COL16A1: variants seen among roughly 807,000 people sequenced by gnomAD.
COL16A1 encodes the protein collagen type XVI alpha 1 chain, also known as collagen alpha-1(XVI) chain.
Under a neutral mutation model 266.3 loss-of-function variants are expected in COL16A1, and 189 were observed. That is an observed-to-expected ratio of 0.71 (90% CI 0.63 to 0.80). COL16A1 has a LOEUF of 0.80. Ranked by LOEUF, COL16A1 falls within the 30% of genes least tolerant of loss-of-function variation. The probability of loss-of-function intolerance (pLI) is 0.00; values close to 1 mark genes in which losing one functional copy is unlikely to be tolerated. For missense variants in COL16A1, 1,928 were observed against 2,122.4 expected (o/e 0.91, Z 1.80); for synonymous variants, 740 against 782.3 (o/e 0.95, Z 0.90).
rs1570598520 is a variant in COL16A1 at position 31,698,384 on chromosome 1, A to G, written c.390+99T>C. ...AGGCTTGAGGGTAGGCACAGGATGG[A>G]GCAGGGAGACCCCAGAAGTCACAAG... is the stretch of plus-strand genomic sequence containing the variant. On this transcript the variant is annotated intron_variant, in intron 5 of 70. Coordinates refer to ENST00000373672, the MANE Select transcript of COL16A1 (RefSeq NM_001856.4). The surrounding 1 kb of genome is among the most constrained non-coding windows in gnomAD (Gnocchi z 4.1). 6.4e-7 allele frequency: 1 copy of G among 1,571,678 alleles called. No homozygotes were observed. The highest frequency in any genetic ancestry group is 1.7e-5 in the Admixed American group (1 of 58,308).
chr1:31,661,334 G>C, intron 60 of COL16A1, 80 bp downstream of exon 60: 1 of 1,607,890 alleles, frequency 6.2e-7, no homozygotes, highest in Non-Finnish European at 8.5e-7. Context: ...CTCTGCCCAG[G>C]ATAGGCTGCC....
intron 49 of COL16A1, chr1:31,669,708 G>A (rs1304570169): frequency 6.6e-6 from 1 of 152,224 alleles, no homozygotes; most frequent in Non-Finnish European, 1.5e-5. Flanking sequence ...AGGCCTGGGA[G>A]GAGAGGAGCC....
chr1:31,683,490 C>T (rs1643794963), intron 34 of COL16A1, 121 bp from the exon 35 acceptor site: 18 of 1,591,262 alleles, frequency 1.1e-5, no homozygotes, highest in Admixed American at 1.7e-5. Context: ...CAGAAGAGCT[C>T]CCCAAGGAGA....
Position 31,653,687 on chromosome 1 carries a change from AGAAAT to A in COL16A1, c.4535-16_4535-12del. 6.2e-7 allele frequency: 1 copy of A among 1,611,616 alleles called. No individual in the cohort carries two copies. The highest frequency in any genetic ancestry group is 8.5e-7 in the Non-Finnish European group (1 of 1,178,746). On this transcript the variant is annotated splice_polypyrimidine_tract_variant and intron_variant, in intron 69 of 70. Coordinates refer to ENST00000373672, the MANE Select transcript of COL16A1 (RefSeq NM_001856.4). ...TGGTACCAGGCAATCCTGGAACAAA[AGAAAT>A]AAATAAGTCCTATCCCTGAGCAGAA...
rs76837091 is a variant in COL16A1 at position 31,666,903 on chromosome 1, C to T, written c.3357+672G>A. Among the ~76,000 whole-genome samples the T allele has an allele frequency of 7.2e-5, 11 of 152,186 alleles. 1 individual carries two copies. The highest frequency in any genetic ancestry group is 2.2e-4 in the African/African-American group (9 of 41,424). ...TTATTCATCTGGCAGCTCCCTCCCC[C>T]ACGGCAGGGCAAGAGGGCAACTGCG... On this transcript the variant is annotated intron_variant, in intron 52 of 70. Coordinates refer to ENST00000373672, the MANE Select transcript of COL16A1 (RefSeq NM_001856.4).
chr1:31,667,757 G>T, intron 51 of COL16A1, 129 bp from the exon 52 acceptor site: 1 of 931,366 alleles, frequency 1.1e-6, no homozygotes, highest in Non-Finnish European at 1.7e-6. Context: ...GAGGACCGCT[G>T]GGTGCTCCAA....
At position 31,698,229 on chromosome 1, in the gene COL16A1, T is replaced by C. The variant is rs1016480808; in HGVS notation, c.391-57A>G. 19 of 1,600,418 alleles carry C rather than the reference T, an allele frequency of 1.2e-5. No individual in the cohort carries two copies. The highest frequency in any genetic ancestry group is 2.2e-5 in the East Asian group (1 of 44,770). On this transcript the variant is annotated intron_variant, in intron 5 of 70. Transcript: ENST00000373672. The surrounding 1 kb of genome is among the most constrained non-coding windows in gnomAD (Gnocchi z 4.1). ...GATTCAGAGCTCCAGAGTCACACCA[T>C]GGGCACGTTCAGGGACCTTGAACTC...
chr1:31,686,225 C>T lies in COL16A1; in HGVS notation c.1839+19G>A, dbSNP rs1479933659. The T allele has an allele frequency of 1.2e-5, 20 of 1,614,066 alleles. No individual in the cohort carries two copies. The highest frequency in any genetic ancestry group is 1.7e-5 in the Non-Finnish European group (20 of 1,180,044). On this transcript the variant is annotated intron_variant, in intron 27 of 70. Coordinates refer to ENST00000373672, the MANE Select transcript of COL16A1 (RefSeq NM_001856.4). ...CACCTTGTCCTCTCCCAAGCTGTTG[C>T]CATCCAAAACATACTTACTGGACTG...
Position 31,695,866 on chromosome 1 carries a change from AAC to A in COL16A1, c.919-81_919-80del. 1.5e-5 allele frequency: 20 copies of A among 1,346,988 alleles called. No individual in the cohort carries two copies. In the South Asian group the frequency reaches 1.8e-4, roughly 12 times the overall value. 83.4% of individuals were successfully genotyped at this position (1,346,988 alleles called of 1,614,324 possible). ...ACTGTTTCCAACACCCCTACCCCCA[AAC>A]CAACAGGAGTGGGCACTCTAGAGAG... is the stretch of plus-strand genomic sequence containing the variant. On this transcript the variant is annotated intron_variant, in intron 9 of 70. Transcript: ENST00000373672.
At chr1:31,677,189 G>A (rs1034729614) in intron 42 of COL16A1, among the ~76,000 whole-genome samples, 2 of 152,216 alleles carry the variant, frequency 1.3e-5, no homozygotes, top group Non-Finnish European at 2.9e-5. Flanking sequence ...GGGTTCAAGC[G>A]ATTCTCCTGC....
chr1:31,672,423 C>T lies in COL16A1; in HGVS notation c.3098G>A (p.Gly1033Glu). Reference sequence around the variant, plus strand: ...CCCCATCCCTGGTCTTACCTCTTCTCCTCTCTGGCCTGGCAATCCCGGAGG... The same window carrying T: ...CCCCATCCCTGGTCTTACCTCTTCTTCTCTCTGGCCTGGCAATCCCGGAGG... Reference protein sequence around the residue: ...PGPPGLPGQRGEEGPPGMRGS... With the variant: ...PGPPGLPGQREEEGPPGMRGS... Residue 1033 changes from glycine (G) to glutamate (E), a missense_variant, in exon 47 of 71, where the codon GGA becomes GAA. Around this residue, in one of 2 missense-constraint regions of COL16A1, gnomAD observed 1,552 missense variants for 1,637.2 expected, o/e 0.95. Transcript: ENST00000373672. 1 of 1,614,154 alleles carries T rather than the reference C, an allele frequency of 6.2e-7. No homozygotes were observed. Among genetic ancestry groups the T allele is most frequent in the Non-Finnish European group, 8.5e-7 (1 of 1,180,018 alleles).
At chr1:31,684,330 CCCA>C in intron 31 of COL16A1, 99 bp from the exon 32 acceptor site, 1 of 1,445,360 alleles carries the variant, frequency 6.9e-7, no homozygotes, top group Admixed American at 2.8e-5. Flanking sequence ...CTTGAATGCT[CCCA>C]CGTCAGCCTG....
At chr1:31,678,729 A>G (rs970051306) in intron 42 of COL16A1, among the ~76,000 whole-genome samples, 1 of 152,226 alleles carries the variant, frequency 6.6e-6, no homozygotes, top group African/African-American at 2.4e-5. Flanking sequence ...CTTGTTTAAT[A>G]CTCACAAAAG....
chr1:31,668,080 G>A lies in COL16A1; in HGVS notation c.3303+85C>T, dbSNP rs533602386. On this transcript the variant is annotated intron_variant, in intron 51 of 70. Transcript: ENST00000373672. This position sits in a 1 kb window ranked among gnomAD's most constrained non-coding sequence, Gnocchi z 5.8. ...CCCGGTAATGGGGAGCCCGCCGAGG[G>A]TTGCCCAGCCTGGCTGTGTCCTGAC... 14 of 1,260,766 alleles carry A rather than the reference G, an allele frequency of 1.1e-5. No homozygotes were observed. The highest frequency in any genetic ancestry group is 1.5e-5 in the Non-Finnish European group (13 of 888,192). 78.1% of individuals were successfully genotyped at this position (1,260,766 alleles called of 1,614,324 possible). A position where few individuals can be genotyped will look rare whatever the true frequency, so the allele number is the denominator to read the frequency against.
intron 2 of COL16A1, 35 bp from the exon 3 acceptor site, chr1:31,700,150 C>T: frequency 6.2e-7 from 1 of 1,608,768 alleles, no homozygotes; most frequent in South Asian, 1.1e-5. Flanking sequence ...ATTAGGTGCG[C>T]TCAGGCCAAG....
At chr1:31,679,977 C>T (rs1447628090) in intron 40 of COL16A1, 65 bp downstream of exon 40, 18 of 1,598,446 alleles carry the variant, frequency 1.1e-5, no homozygotes, top group Admixed American at 3.4e-5. Context: ...GCACACTGGG[C>T]ACCAGACGAG....
At chr1:31,680,785 C>G in intron 39 of COL16A1, 120 bp downstream of exon 39, 2 of 1,578,594 alleles carry the variant, frequency 1.3e-6, no homozygotes, top group African/African-American at 1.3e-5. Flanking sequence ...CACAGGCTCC[C>G]CTGGTTCATG....
chr1:31,689,178 G>A (rs898823838), intron 23 of COL16A1, 93 bp from the exon 24 acceptor site: 14 of 1,590,590 alleles, frequency 8.8e-6, no homozygotes, highest in East Asian at 4.5e-5. Context: ...TGTCACACAC[G>A]CAAACCGTCC....
At chr1:31,684,789 G>A in intron 30 of COL16A1, 32 bp downstream of exon 30, 3 of 1,614,032 alleles carry the variant, frequency 1.9e-6, no homozygotes, top group Non-Finnish European at 2.5e-6. Flanking sequence ...ATGATGCCAT[G>A]CCCACCCCCG....
Sources: gnomAD v4.1 joint callset for allele counts (sites outside exome capture counted in the v4.1 genomes callset) on GRCh38, gnomAD v4.1.1 for gene constraint, gnomAD v4.1.1 regional missense constraint, Gnocchi (gnomAD v3.1) non-coding constraint, MANE v1.5 for transcripts, NCBI Gene and HGNC (gene_info 2026-07-23, HGNC 2026-07-21) for gene names.